The following PTPRG variants were observed in gnomAD, a reference collection of about 807,000 sequenced individuals.
The protein encoded by PTPRG is protein tyrosine phosphatase receptor type G.
PTPRG carries 102 observed loss-of-function variants against 165.3 expected under a neutral mutation model. The observed-to-expected ratio is 0.62, with a 90% CI of 0.53 to 0.73. PTPRG has a LOEUF of 0.73. Ranked by LOEUF, PTPRG falls within the 30% of genes least tolerant of loss-of-function variation. PTPRG has a pLI of 0.00. For missense variants in PTPRG, 1,866 were observed against 1,861.4 expected (o/e 1.00, Z -0.05); for synonymous variants, 675 against 669.5 (o/e 1.01, Z -0.13).
chr3:61,911,731 C>G (rs1167137231), intron 2 of PTPRG, among the ~76,000 whole-genome samples: 3 of 151,796 alleles, frequency 2.0e-5, no homozygotes, highest in African/African-American at 7.3e-5. Flanking sequence ...TTTCTTTTTT[C>G]CCCAAGTTAC....
In PTPRG at chr3:61,889,642, A is replaced by G. The variant is rs567652867; in HGVS notation, c.191-99983A>G. 6.0e-4 allele frequency among the ~76,000 whole-genome samples: 92 copies of G among 152,304 alleles called. 1 individual carries two copies. Among genetic ancestry groups the G allele is most frequent in the African/African-American group, 2.0e-3 (85 of 41,564 alleles). ...TGAGTCGTTAGCTCATTTGAACATTACAGTCTACTTAAAGCTAATTTACAT... is the reference window on the plus strand; with the variant it reads ...TGAGTCGTTAGCTCATTTGAACATTGCAGTCTACTTAAAGCTAATTTACAT... On this transcript the variant is annotated intron_variant, in intron 2 of 29. Transcript: ENST00000474889.
chr3:61,591,474 A>G (rs1458035346), intron 1 of PTPRG, among the ~76,000 whole-genome samples: 4 of 152,220 alleles, frequency 2.6e-5, no homozygotes, highest in African/African-American at 7.2e-5. Flanking sequence ...TGGGCCTGCA[A>G]TGGGTTTTCT....
intron 12 of PTPRG, among the ~76,000 whole-genome samples, chr3:62,211,091 G>A (rs1238350147): frequency 6.6e-6 from 1 of 152,174 alleles, no homozygotes; most frequent in East Asian, 1.9e-4. Flanking sequence ...GCCAAGAGGT[G>A]GAAGCAACCC....
chr3:61,865,396 T>A (rs528672095), intron 2 of PTPRG, among the ~76,000 whole-genome samples: 3 of 152,338 alleles, frequency 2.0e-5, no homozygotes, highest in African/African-American at 7.2e-5. Flanking sequence ...TTTTACTTGT[T>A]CTAGCTGAGG....
chr3:61,705,778 A>G (rs999247904), intron 1 of PTPRG, among the ~76,000 whole-genome samples: 2 of 152,214 alleles, frequency 1.3e-5, no homozygotes, highest in African/African-American at 4.8e-5. Context: ...GGTACCCCGT[A>G]TTCATCATTC....
At chr3:61,810,210 G>A (rs939096801) in intron 2 of PTPRG, among the ~76,000 whole-genome samples, 2 of 152,186 alleles carry the variant, frequency 1.3e-5, no homozygotes, top group Non-Finnish European at 2.9e-5. Flanking sequence ...AGAGAATAGA[G>A]GAAAGGGTAG....
intron 1 of PTPRG, among the ~76,000 whole-genome samples, chr3:61,577,734 C>T (rs1293658154): frequency 6.6e-6 from 1 of 152,128 alleles, no homozygotes; most frequent in African/African-American, 2.4e-5. Flanking sequence ...AACCTTTTCT[C>T]ACCTTCCAGA....
In PTPRG at chr3:62,069,701, C is replaced by CAG. The variant is rs765302047; in HGVS notation, c.520-8461_520-8460insGA. On this transcript the variant is annotated intron_variant, in intron 4 of 29. Coordinates refer to ENST00000474889, the MANE Select transcript of PTPRG (RefSeq NM_002841.4). The stretch of plus-strand genomic sequence containing the variant: ...TCTCTCTCTCACACACAGACACACG[C>CAG]ACACACACACACACATGCACGCACA... 3.4e-4 allele frequency among the ~76,000 whole-genome samples: 51 copies of CAG among 150,448 alleles called. 1 individual carries two copies. The highest frequency in any genetic ancestry group is 5.6e-4 in the Non-Finnish European group (38 of 67,646).
At chr3:62,042,718 G>A (rs772466705) in intron 4 of PTPRG, among the ~76,000 whole-genome samples, 13 of 152,124 alleles carry the variant, frequency 8.5e-5, no homozygotes, top group Non-Finnish European at 1.5e-4. Flanking sequence ...ATAATTCTGT[G>A]CTGTAAGTGC....
intron 15 of PTPRG, among the ~76,000 whole-genome samples, chr3:62,244,994 C>T (rs1482112189): frequency 6.6e-6 from 1 of 152,104 alleles, no homozygotes; most frequent in East Asian, 1.9e-4. Flanking sequence ...CTGAATTGCC[C>T]TGTTATGTGT....
intron 2 of PTPRG, among the ~76,000 whole-genome samples, chr3:61,883,648 C>T (rs572864780): frequency 3.1e-4 from 47 of 152,002 alleles, no homozygotes; most frequent in Non-Finnish European, 6.2e-4. Context: ...AAATACATAT[C>T]ATGAAGTTTG....
intron 1 of PTPRG, among the ~76,000 whole-genome samples, chr3:61,650,420 T>C (rs187896653): frequency 6.6e-6 from 1 of 152,244 alleles, no homozygotes; most frequent in Admixed American, 6.5e-5. Context: ...ACAAAACTGT[T>C]GAGAAGCAGC....
intron 1 of PTPRG, among the ~76,000 whole-genome samples, chr3:61,631,729 C>G (rs761771772): frequency 2.0e-5 from 3 of 152,132 alleles, no homozygotes; most frequent in African/African-American, 7.2e-5. Flanking sequence ...TTATTCTACT[C>G]AGTCATTGGG....
rs537896892 is a variant in PTPRG, at chr3:62,040,950, A to G, written c.520-37213A>G. On this transcript the variant is annotated intron_variant, in intron 4 of 29. Transcript: ENST00000474889. ...ACTGGAGGCAACATGGGAGACAGAC[A>G]TAGAGGTCAAGCCCCTGGGATGCAG... Among the ~76,000 whole-genome samples, 3 of 152,310 alleles carry G rather than the reference A, an allele frequency of 2.0e-5. No individual in the cohort carries two copies. In the East Asian group the frequency reaches 5.8e-4, roughly 29 times the overall value.
At chr3:61,582,802 G>A (rs1376869118) in intron 1 of PTPRG, among the ~76,000 whole-genome samples, 1 of 152,180 alleles carries the variant, frequency 6.6e-6, no homozygotes, top group African/African-American at 2.4e-5. Context: ...ACTGTTAGTG[G>A]AAACGCCATG....
chr3:62,000,145 A>T (rs1333998738), intron 3 of PTPRG, among the ~76,000 whole-genome samples: 2 of 152,088 alleles, frequency 1.3e-5, no homozygotes, highest in Non-Finnish European at 2.9e-5. Flanking sequence ...TCTACTAAAA[A>T]TACAAAAATT....
chr3:62,107,239 TC>T (rs976751272), intron 5 of PTPRG, among the ~76,000 whole-genome samples: 69 of 152,332 alleles, frequency 4.5e-4, no homozygotes, highest in African/African-American at 1.5e-3. Context: ...AGCCAACTGT[TC>T]CAGTGATCTA....
chr3:62,143,340 C>T (rs1197329722), intron 6 of PTPRG, among the ~76,000 whole-genome samples: 1 of 152,184 alleles, frequency 6.6e-6, no homozygotes, highest in Admixed American at 6.5e-5. Context: ...AAAAATGAAT[C>T]CTGAGGCAGA....
At chr3:62,110,514 A>G (rs1702632657) in intron 5 of PTPRG, among the ~76,000 whole-genome samples, 1 of 151,764 alleles carries the variant, frequency 6.6e-6, no homozygotes, top group Non-Finnish European at 1.5e-5. Flanking sequence ...TAACGTCTGC[A>G]GGCTTGGCAT....
Sources: allele counts gnomAD v4.1 joint callset (sites outside exome capture counted in the v4.1 genomes callset), GRCh38; gene constraint gnomAD v4.1.1; transcripts MANE v1.5; gene names NCBI Gene and HGNC (gene_info 2026-07-23, HGNC 2026-07-21).